MAP3K4: variants seen among roughly 807,000 people sequenced by gnomAD.
MAP3K4 encodes MAP three kinase 1.
Under a neutral mutation model 185.6 loss-of-function variants are expected in MAP3K4, and 67 were observed. The ratio of observed to expected loss-of-function variants is 0.36; its 90% CI spans 0.30 to 0.44. The LOEUF (loss-of-function observed/expected upper bound fraction) is 0.44. MAP3K4 is among the 20% of genes least tolerant of loss of function. The probability of loss-of-function intolerance (pLI) is 1.00; values close to 1 mark genes in which losing one functional copy is unlikely to be tolerated. For synonymous variants in MAP3K4, 702 were observed against 710.4 expected (o/e 0.99, Z 0.19); for missense variants, 1,551 against 1,995.1 (o/e 0.78, Z 4.24).
In MAP3K4 at chr6:161,088,922, A is replaced by C. The variant is rs1487594763; in HGVS notation, c.2824-400A>C. 6.6e-6 allele frequency among the ~76,000 whole-genome samples: 1 copy of C among 152,150 alleles called. No homozygotes were observed. The highest frequency in any genetic ancestry group is 1.5e-5 in the Non-Finnish European group (1 of 68,024). On this transcript the variant is annotated intron_variant, in intron 10 of 26. Transcript: ENST00000392142. The surrounding 1 kb of genome is among the most constrained non-coding windows in gnomAD (Gnocchi z 4.5). ...AAAAGTAATAAAGTCTTGATTTCTT[A>C]ATGTTTTATATAAGGCCCCTCATCT...
chr6:161,025,437 T>C (rs566786961), intron 1 of MAP3K4, among the ~76,000 whole-genome samples: 24 of 152,348 alleles, frequency 1.6e-4, no homozygotes, highest in African/African-American at 5.8e-4. Context: ...ACCAAATACT[T>C]TGGGAGAATA....
Position 161,101,779 on chromosome 6 carries a change from C to G in MAP3K4, c.3675-113C>G, listed in dbSNP as rs1266502688. Reference sequence around the variant, plus strand: ...TACATTGCTGGAGGCAGAGTTGTTCCTGGCAGGCAGAGTTGCCCCCAGTTG... The same window carrying G: ...TACATTGCTGGAGGCAGAGTTGTTCGTGGCAGGCAGAGTTGCCCCCAGTTG... On this transcript the variant is annotated intron_variant, in intron 17 of 26. Transcript: ENST00000392142. The surrounding 1 kb of genome is among the most constrained non-coding windows in gnomAD (Gnocchi z 5.1). 18 of 834,868 alleles carry G rather than the reference C, an allele frequency of 2.2e-5. No individual in the cohort carries two copies. The highest frequency in any genetic ancestry group is 3.4e-5 in the Non-Finnish European group (18 of 522,860). The allele number at this position is 834,868 out of a possible 1,614,324, so 51.7% of individuals were successfully genotyped here. A position where few individuals can be genotyped will look rare whatever the true frequency, so the allele number is the denominator to read the frequency against.
rs566929671 is a variant in MAP3K4 at position 161,059,243 on chromosome 6, C to G, written c.1707+9264C>G. 2.0e-5 allele frequency among the ~76,000 whole-genome samples: 3 copies of G among 152,144 alleles called. No individual in the cohort carries two copies. In the East Asian group the frequency reaches 5.8e-4, roughly 29 times the overall value. On this transcript the variant is annotated intron_variant, in intron 3 of 26. Transcript: ENST00000392142. ...CTCCACCTCCCAAGTTCCAGCGATT[C>G]TCATGCCTCAGCCTCCTGAGTAGCT...
chr6:161,027,433 TA>T (rs1211341380), intron 1 of MAP3K4, among the ~76,000 whole-genome samples: 6 of 151,626 alleles, frequency 4.0e-5, no homozygotes, highest in Admixed American at 6.6e-5. Flanking sequence ...TGAGTAACAT[TA>T]AAAAAAAATT....
intron 1 of MAP3K4, among the ~76,000 whole-genome samples, chr6:161,021,399 G>C (rs1403226752): frequency 6.6e-6 from 1 of 152,204 alleles, no homozygotes; most frequent in African/African-American, 2.4e-5. Context: ...TTCACTCTCA[G>C]ATGAGCCCTG....
intron 1 of MAP3K4, among the ~76,000 whole-genome samples, chr6:160,995,922 A>G (rs910499888): frequency 6.6e-6 from 1 of 152,242 alleles, no homozygotes; most frequent in Admixed American, 6.5e-5. Flanking sequence ...CATTGTCCTT[A>G]TGAGTACATG....
chr6:161,099,058 A>G (rs978716008), intron 17 of MAP3K4, among the ~76,000 whole-genome samples: 3 of 152,224 alleles, frequency 2.0e-5, no homozygotes, highest in African/African-American at 7.2e-5. Context: ...ATATTTTGGC[A>G]GAGGATTTCA....
At chr6:161,020,675 C>CAAGA (rs112895648) in intron 1 of MAP3K4, among the ~76,000 whole-genome samples, 4,212 of 137,606 alleles carry the variant, frequency 0.031, 153 homozygotes, top group African/African-American at 0.085. Context: ...AAAAAAAAAA[C>CAAGA]AAGAAAGAGA....
chr6:161,090,125 C>T (rs1024858236), intron 11 of MAP3K4, among the ~76,000 whole-genome samples: 35 of 152,196 alleles, frequency 2.3e-4, no homozygotes, highest in African/African-American at 8.0e-4. Flanking sequence ...CAAGTCATTT[C>T]GTAAACACTT....
Position 161,108,029 on chromosome 6 carries a change from G to A in MAP3K4, c.4119+60G>A, listed in dbSNP as rs371134418. The A allele has an allele frequency of 1.2e-4, 179 of 1,461,800 alleles. 1 individual carries two copies. Among genetic ancestry groups the A allele is most frequent in the African/African-American group, 1.0e-3 (72 of 71,740 alleles). The allele number at this position is 1,461,800 out of a possible 1,614,324, so 90.6% of individuals were successfully genotyped here. The stretch of plus-strand genomic sequence containing the variant: ...GGCGGCTCTGGGTGATAGAAATTCC[G>A]TATAGACGCTGGTCGTGATTCAGTT... On this transcript the variant is annotated intron_variant, in intron 21 of 26. Transcript: ENST00000392142. The surrounding 1 kb of genome is among the most constrained non-coding windows in gnomAD (Gnocchi z 5.7).
Position 161,102,817 on chromosome 6 carries a change from A to C in MAP3K4, c.3856+38A>C, listed in dbSNP as rs576861892. The C allele has an allele frequency of 3.1e-5, 44 of 1,406,528 alleles. 1 individual carries two copies. Among genetic ancestry groups the C allele is most frequent in the East Asian group, 9.5e-5 (4 of 42,268 alleles). The allele number at this position is 1,406,528 out of a possible 1,614,324, so 87.1% of individuals were successfully genotyped here. The stretch of plus-strand genomic sequence containing the variant: ...GTGTTGAAGTTAAAAAAAAAAAAAA[A>C]AAAAAAACACGATTACACATAAGGG... On this transcript the variant is annotated intron_variant, in intron 19 of 26. Transcript: ENST00000392142.
In MAP3K4 at chr6:161,111,905, A is replaced by G. The variant is rs769642961; in HGVS notation, c.4466A>G (p.Lys1489Arg). 6.2e-7 allele frequency: 1 copy of G among 1,614,228 alleles called. No homozygotes were observed. The highest frequency in any genetic ancestry group is 1.3e-5 in the African/African-American group (1 of 75,058). ...LGDFGCSVKL[K>R]NNAQTMPGEV... ...GATTTTGGATGTTCAGTAAAGCTCA[A>G]AAACAATGCCCAGACCATGCCTGGT... The change falls in exon 24 of 27, where the codon AAA becomes AGA. Residue 1489 changes from lysine to arginine, a missense_variant. Lys to Arg is a conservative substitution (Grantham distance 26). This residue lies in a region of MAP3K4 where 159 missense variants were observed against 300.5 expected (regional missense o/e 0.53). Coordinates refer to ENST00000392142, the MANE Select transcript of MAP3K4 (RefSeq NM_005922.4).
rs971246438 is a variant in MAP3K4 at position 161,082,444 on chromosome 6, C to G, written c.2255+1406C>G. Among the ~76,000 whole-genome samples, 1 of 150,482 alleles carries G rather than the reference C, an allele frequency of 6.6e-6. No homozygotes were observed. Among genetic ancestry groups the G allele is most frequent in the African/African-American group, 2.5e-5 (1 of 40,798 alleles). On this transcript the variant is annotated intron_variant, in intron 6 of 26. Transcript: ENST00000392142. The surrounding 1 kb of genome is among the most constrained non-coding windows in gnomAD (Gnocchi z 4.2). ...TCAGTCTTTGTGTTTCTATCTTTTG[C>G]TTGTCCTTCAAATTCCCTAGAGTGC...
chr6:161,020,409 C>T (rs1459614239), intron 1 of MAP3K4, among the ~76,000 whole-genome samples: 2 of 152,084 alleles, frequency 1.3e-5, no homozygotes, highest in Non-Finnish European at 2.9e-5. Flanking sequence ...CCTGTAATCC[C>T]AGCACTTTGG....
At chr6:161,055,764 CTGTTGA>C (rs753768621) in intron 3 of MAP3K4, among the ~76,000 whole-genome samples, 14 of 152,308 alleles carry the variant, frequency 9.2e-5, no homozygotes, top group Non-Finnish European at 1.9e-4. Flanking sequence ...TACATTGTCA[CTGTTGA>C]TGTTAACCTT....
rs780356045 is a variant in MAP3K4 at position 161,087,914 on chromosome 6, T to C, written c.2783T>C (p.Val928Ala). 6 of 1,614,114 alleles carry C rather than the reference T, an allele frequency of 3.7e-6. No individual in the cohort carries two copies. Among genetic ancestry groups the C allele is most frequent in the Non-Finnish European group, 5.1e-6 (6 of 1,180,016 alleles). ...TGGGAGGCACAGCCTGTCAAAGTCGTGCCTCAGGTGGAGACTGTTGACACC... is the reference window on the plus strand; with the variant it reads ...TGGGAGGCACAGCCTGTCAAAGTCGCGCCTCAGGTGGAGACTGTTGACACC... ...GTWEAQPVKVVPQVETVDTLR... is the reference protein window; with the variant it reads ...GTWEAQPVKVAPQVETVDTLR... The change falls in exon 10 of 27, where the codon GTG (valine) becomes GCG (alanine). Residue 928 changes from valine (V) to alanine (A), a missense_variant. By Grantham distance (64) the Val-to-Ala change is moderately conservative. Transcript: ENST00000392142. This position sits in a 1 kb window ranked among gnomAD's most constrained non-coding sequence, Gnocchi z 4.9.
Position 161,070,721 on chromosome 6 carries a change from G to A in MAP3K4, c.1821G>A (p.Met607Ile). 2 of 1,614,092 alleles carry A rather than the reference G, an allele frequency of 1.2e-6. No homozygotes were observed. Among genetic ancestry groups the A allele is most frequent in the South Asian group, 1.1e-5 (1 of 91,074 alleles). The stretch of plus-strand genomic sequence containing the variant: ...TGTCGTGGGAGGAGCTGAAGGCCAT[G>A]GATTTACCTTCATTCGAACCTGCCT... Reference protein sequence around the residue: ...SAVSWEELKAMDLPSFEPAFL... With the variant: ...SAVSWEELKAIDLPSFEPAFL... The change falls in exon 4 of 27, where the codon ATG (methionine) becomes ATA (isoleucine). Residue 607 changes from methionine to isoleucine, a missense_variant. Transcript: ENST00000392142. The surrounding 1 kb of genome is among the most constrained non-coding windows in gnomAD (Gnocchi z 4.5).
At chr6:160,992,138 C>T (rs1055594929) in intron 1 of MAP3K4, 55 bp downstream of exon 1, 2 of 1,462,218 alleles carry the variant, frequency 1.4e-6, no homozygotes, top group East Asian at 2.8e-5. Context: ...GGTCCTGGCC[C>T]GAACTCGGTC....
chr6:160,993,748 A>C (rs1019723205), intron 1 of MAP3K4, among the ~76,000 whole-genome samples: 5 of 152,354 alleles, frequency 3.3e-5, no homozygotes, highest in South Asian at 2.1e-4. Flanking sequence ...AAAAAAAAAA[A>C]AACTTGACTT....
Sources: allele counts gnomAD v4.1 joint callset (sites outside exome capture counted in the v4.1 genomes callset), GRCh38; gene constraint gnomAD v4.1.1; regional missense constraint gnomAD v4.1.1; non-coding constraint Gnocchi (gnomAD v3.1); transcripts MANE v1.5; gene names NCBI Gene and HGNC (gene_info 2026-07-23, HGNC 2026-07-21).